The following PACSIN2 variants were observed in gnomAD, a reference collection of about 807,000 sequenced individuals.
The protein encoded by PACSIN2 is protein kinase C and casein kinase substrate in neurons 2.
PACSIN2 carries 25 observed loss-of-function variants against 63.8 expected under a neutral mutation model. The ratio of observed to expected loss-of-function variants is 0.39; its 90% CI spans 0.29 to 0.55. PACSIN2 has a LOEUF of 0.55. Among genes scored for constraint, PACSIN2 ranks in the 20% least tolerant of loss-of-function variants. The pLI is 0.62. For synonymous variants in PACSIN2, 255 were observed against 256.2 expected, an observed-to-expected ratio of 1.00 and a Z score of 0.05; for missense variants, 518 against 646.9, an observed-to-expected ratio of 0.80 and a Z score of 2.16.
In PACSIN2 at chr22:42,911,408, A is replaced by T. The variant is rs1043202272; in HGVS notation, c.60+613T>A. 4.5e-3 allele frequency among the ~76,000 whole-genome samples: 555 copies of T among 123,926 alleles called. 1 individual carries two copies. The highest frequency in any genetic ancestry group is 0.018 in the African/African-American group (537 of 30,548). The allele number at this position is 123,926 out of a possible 152,430, so 81.3% of individuals were successfully genotyped here. ...CTGCGCTCTCGAGACCTCAACTGTT[A>T]AAAAAAAAAAAAAAAAAAAGATGGA... On this transcript the variant is annotated intron_variant, in intron 2 of 10. Coordinates refer to ENST00000263246, the MANE Select transcript of PACSIN2 (RefSeq NM_001184970.3).
At chr22:42,904,082 A>T (rs1930891716) in intron 2 of PACSIN2, among the ~76,000 whole-genome samples, 2 of 152,218 alleles carry the variant, frequency 1.3e-5, no homozygotes, top group African/African-American at 4.8e-5. Flanking sequence ...CAGAAATTGC[A>T]ATTTTCAGAT....
chr22:42,885,703 C>T (rs992147238), intron 5 of PACSIN2, among the ~76,000 whole-genome samples: 2 of 152,324 alleles, frequency 1.3e-5, no homozygotes, highest in East Asian at 1.9e-4. Context: ...TCCCCAGCCT[C>T]GTGAGACCAG....
At chr22:42,923,911 G>A (rs1232992291) in intron 1 of PACSIN2, among the ~76,000 whole-genome samples, 1 of 152,074 alleles carries the variant, frequency 6.6e-6, no homozygotes, top group Non-Finnish European at 1.5e-5. Context: ...GTGTGGTAGT[G>A]CACGCCTGTA....
At chr22:42,958,631 T>G (rs781207878) in intron 1 of PACSIN2, among the ~76,000 whole-genome samples, 1 of 152,228 alleles carries the variant, frequency 6.6e-6, no homozygotes, top group African/African-American at 2.4e-5. Flanking sequence ...TGGGCCCGAT[T>G]AAGGTCGGAC....
intron 1 of PACSIN2, among the ~76,000 whole-genome samples, chr22:42,947,541 A>G (rs1036189753): frequency 2.6e-5 from 4 of 152,136 alleles, no homozygotes; most frequent in Non-Finnish European, 5.9e-5. Context: ...AGAGGAGCTG[A>G]AGCCCTGGTC....
chr22:42,948,698 T>G (rs770625032), intron 1 of PACSIN2, among the ~76,000 whole-genome samples: 4 of 152,162 alleles, frequency 2.6e-5, no homozygotes, highest in Admixed American at 6.5e-5. Flanking sequence ...TTTTCAAATA[T>G]TTTCTGGGCA....
intron 1 of PACSIN2, among the ~76,000 whole-genome samples, chr22:42,991,095 A>C (rs1304940853): frequency 2.0e-5 from 3 of 152,216 alleles, no homozygotes; most frequent in Non-Finnish European, 4.4e-5. Flanking sequence ...TAGTACCAGC[A>C]GTTTATGAGT....
chr22:42,871,336 C>CA lies in PACSIN2; in HGVS notation c.*20_*21insT, dbSNP rs397742505. ...CCTGGGCCCGCCGCCTCCGTCCCCC[C>CA]GCTGGCCTGTCCCCGACTCATCACT... On this transcript the variant is annotated 3_prime_UTR_variant, in exon 11 of 11. Transcript: ENST00000263246. The surrounding 1 kb of genome is among the most constrained non-coding windows in gnomAD (Gnocchi z 5.4). The CA allele has an allele frequency of 6.5e-6, 10 of 1,548,412 alleles. No homozygotes were observed. The East Asian group carries it at 1.3e-4, about 21-fold the overall frequency.
intron 1 of PACSIN2, among the ~76,000 whole-genome samples, chr22:42,939,802 C>T (rs905072621): frequency 1.3e-5 from 2 of 152,090 alleles, no homozygotes; most frequent in African/African-American, 4.8e-5. Context: ...TCAGGGTGAA[C>T]GAAAGGTCAT....
intron 2 of PACSIN2, among the ~76,000 whole-genome samples, chr22:42,894,622 C>A (rs1317765844): frequency 6.6e-6 from 1 of 152,144 alleles, no homozygotes; most frequent in Non-Finnish European, 1.5e-5. Flanking sequence ...TTTTGACTGC[C>A]TTTTTTCGTA....
Position 42,915,159 on chromosome 22 carries a change from C to T in PACSIN2, c.-77-3002G>A, listed in dbSNP as rs144885300. Among the ~76,000 whole-genome samples the T allele has an allele frequency of 5.3e-3, 800 of 152,326 alleles. 4 individuals are homozygous for T. Among genetic ancestry groups the T allele is most frequent in the African/African-American group, 0.018 (762 of 41,564 alleles). On this transcript the variant is annotated intron_variant, in intron 1 of 10. Coordinates refer to ENST00000263246, the MANE Select transcript of PACSIN2 (RefSeq NM_001184970.3). ...CTGAGATTACATGGATGAGCCACCA[C>T]ACCGGGCCTAAGATTTAAGAGCCCA...
chr22:42,971,804 G>A (rs975357150), intron 1 of PACSIN2, among the ~76,000 whole-genome samples: 5 of 151,272 alleles, frequency 3.3e-5, no homozygotes, highest in African/African-American at 1.2e-4. Context: ...AGGGAGGTGG[G>A]GGGCAGCCCC....
In PACSIN2 at chr22:42,870,658, C is replaced by G. The variant is rs1928036351; in HGVS notation, c.*699G>C. The stretch of plus-strand genomic sequence containing the variant: ...TTAAATATGGCGATTTGGGGGAGTT[C>G]TACCTAAGGTTCTATGTAAAGCTTC... On this transcript the variant is annotated 3_prime_UTR_variant, in exon 11 of 11. Transcript: ENST00000263246. The G allele has an allele frequency of 1.3e-5, 2 of 152,174 alleles. No individual in the cohort carries two copies. Among genetic ancestry groups the G allele is most frequent in the South Asian group, 2.1e-4 (1 of 4,830 alleles). The allele number at this position is 152,174 out of a possible 1,614,324, so 9.4% of individuals were successfully genotyped here.
intron 1 of PACSIN2, among the ~76,000 whole-genome samples, chr22:43,014,569 C>T (rs959678666): frequency 6.6e-6 from 1 of 152,050 alleles, no homozygotes; most frequent in Non-Finnish European, 1.5e-5. Context: ...CTCTGCACGT[C>T]TCGGATTCCC....
rs1929326676 is a variant in PACSIN2, at chr22:42,884,481, A to G, written c.690T>C (p.Phe230=). The change falls in exon 6 of 11, where the codon TTT becomes TTC. Residue 230 remains phenylalanine (F), a synonymous_variant. Transcript: ENST00000263246. ...TCTCCTCGAACTGCTGGCACTGCTC[A>G]AACACCTGCTCCATGTTCTCCATGT... The part of the protein sequence containing the change: ...PQYMENMEQV[F]EQCQQFEEKR... 1 of 1,614,076 alleles carries G rather than the reference A, an allele frequency of 6.2e-7. No individual in the cohort carries two copies. Among genetic ancestry groups the G allele is most frequent in the South Asian group, 1.1e-5 (1 of 91,088 alleles).
chr22:42,960,719 G>C (rs1306059294), intron 1 of PACSIN2, among the ~76,000 whole-genome samples: 1 of 152,186 alleles, frequency 6.6e-6, no homozygotes, highest in Non-Finnish European at 1.5e-5. Flanking sequence ...AGAGGAGGCA[G>C]GCAGGAAGGG....
intron 1 of PACSIN2, among the ~76,000 whole-genome samples, chr22:43,001,348 G>A (rs1923754364): frequency 6.6e-6 from 1 of 152,204 alleles, no homozygotes; most frequent in African/African-American, 2.4e-5. Context: ...CAACAGCTCA[G>A]CCAGTTGCCA....
intron 6 of PACSIN2, among the ~76,000 whole-genome samples, chr22:42,882,542 C>T (rs894899850): frequency 6.6e-6 from 1 of 152,184 alleles, no homozygotes; most frequent in Non-Finnish European, 1.5e-5. Context: ...AATGACTAAG[C>T]CCTGCTCTGT....
In PACSIN2 at chr22:42,902,770, C is replaced by T. The variant is rs142877414; in HGVS notation, c.61-9157G>A. Reference sequence around the variant, plus strand: ...CTGGGATTACAGACATGCACCACCACGCCTGGCTAATTTTTGTATTTTTAG... The same window carrying T: ...CTGGGATTACAGACATGCACCACCATGCCTGGCTAATTTTTGTATTTTTAG... On this transcript the variant is annotated intron_variant, in intron 2 of 10. Transcript: ENST00000263246. 2.4e-3 allele frequency among the ~76,000 whole-genome samples: 368 copies of T among 152,304 alleles called. 2 individuals carry two copies. The highest frequency in any genetic ancestry group is 4.4e-3 in the Non-Finnish European group (299 of 68,012).
Sources: gnomAD v4.1 joint callset for allele counts (sites outside exome capture counted in the v4.1 genomes callset) on GRCh38, gnomAD v4.1.1 for gene constraint, Gnocchi (gnomAD v3.1) non-coding constraint, MANE v1.5 for transcripts, NCBI Gene and HGNC (gene_info 2026-07-23, HGNC 2026-07-21) for gene names.